The following ADK variants were observed in gnomAD, a reference collection of about 807,000 sequenced individuals.
ADK encodes N6,N6-dimethyladenosine kinase.
A neutral mutation model predicts 44.7 loss-of-function variants in ADK; 24 were observed. The ratio of observed to expected loss-of-function variants is 0.54; its 90% CI spans 0.39 to 0.76. The LOEUF (loss-of-function observed/expected upper bound fraction) is 0.76, where lower values mean the gene tolerates loss of function less well. ADK is among the 30% of genes least tolerant of loss of function. ADK has a pLI of 0.00. For missense variants in ADK, 321 were observed against 425.1 expected (o/e 0.76, Z 2.15); for synonymous variants, 128 against 142.6 (o/e 0.90, Z 0.73).
intron 9 of ADK, among the ~76,000 whole-genome samples, chr10:74,601,220 T>A (rs184855437): frequency 4.3e-4 from 66 of 152,232 alleles, no homozygotes; most frequent in African/African-American, 1.4e-3. Context: ...AATATAATTA[T>A]AGTTCTTATC....
chr10:74,520,787 C>T (rs1285965889), intron 6 of ADK, among the ~76,000 whole-genome samples: 1 of 152,042 alleles, frequency 6.6e-6, no homozygotes, highest in Non-Finnish European at 1.5e-5. Context: ...TAGTCTGTCC[C>T]TATCTGTCCT....
intron 3 of ADK, among the ~76,000 whole-genome samples, chr10:74,273,043 G>A (rs1316039971): frequency 3.3e-5 from 5 of 152,170 alleles, no homozygotes; most frequent in African/African-American, 1.2e-4. Flanking sequence ...TGAAACAGGA[G>A]TTGTGAAGTT....
At chr10:74,644,520 G>T (rs1440286361) in intron 9 of ADK, among the ~76,000 whole-genome samples, 1 of 152,156 alleles carries the variant, frequency 6.6e-6, no homozygotes, top group African/African-American at 2.4e-5. Flanking sequence ...TTAAGTGAAA[G>T]AATTGGTTTT....
rs192054696 is a variant in ADK at position 74,300,171 on chromosome 10, A to T, written c.195-14496A>T. On this transcript the variant is annotated intron_variant, in intron 3 of 10. Coordinates refer to ENST00000539909, the MANE Select transcript of ADK (RefSeq NM_006721.4). ...AGTGTTGGGATTATAGGTGTGAGCC[A>T]TCATGTCCCTGGCTAATACATTATT... 1.7e-4 allele frequency among the ~76,000 whole-genome samples: 26 copies of T among 151,806 alleles called. No individual in the cohort carries two copies. In the East Asian group the frequency reaches 3.9e-3, roughly 23 times the overall value.
At chr10:74,653,747 C>T (rs1345614190) in intron 9 of ADK, among the ~76,000 whole-genome samples, 1 of 152,140 alleles carries the variant, frequency 6.6e-6, no homozygotes, top group Non-Finnish European at 1.5e-5. Flanking sequence ...TTGCTGTATT[C>T]CAAGTAGACA....
intron 6 of ADK, among the ~76,000 whole-genome samples, chr10:74,440,503 T>C (rs978004559): frequency 3.9e-5 from 6 of 152,186 alleles, no homozygotes; most frequent in Non-Finnish European, 7.4e-5. Flanking sequence ...TTACAATTAA[T>C]AAATTAAGTT....
intron 6 of ADK, among the ~76,000 whole-genome samples, chr10:74,413,887 T>C (rs972627205): frequency 2.0e-5 from 3 of 152,174 alleles, no homozygotes; most frequent in African/African-American, 7.2e-5. Context: ...TGTAGGATTA[T>C]TAATTGGCCT....
At position 74,533,435 on chromosome 10, in the gene ADK, A is replaced by G. The variant is rs115377646; in HGVS notation, c.726+8009A>G. 2.2e-3 allele frequency among the ~76,000 whole-genome samples: 328 copies of G among 152,342 alleles called. 1 individual carries two copies. The highest frequency in any genetic ancestry group is 7.3e-3 in the African/African-American group (303 of 41,580). Reference sequence around the variant, plus strand: ...GACAATGTGGCATTGGTGTAATGATAGACAAATAGTCAATGGAACAGAAGG... The same window carrying G: ...GACAATGTGGCATTGGTGTAATGATGGACAAATAGTCAATGGAACAGAAGG... On this transcript the variant is annotated intron_variant, in intron 7 of 10. Transcript: ENST00000539909.
chr10:74,330,868 T>C lies in ADK; in HGVS notation c.273+16123T>C, dbSNP rs374801346. On this transcript the variant is annotated intron_variant, in intron 4 of 10. Coordinates refer to ENST00000539909, the MANE Select transcript of ADK (RefSeq NM_006721.4). ...TTCCACTAAGCTGCTCCCAAATTCC[T>C]GACCCACCAAAACTATGTGAGATAG... 2.3e-4 allele frequency among the ~76,000 whole-genome samples: 35 copies of C among 152,338 alleles called. 1 individual carries two copies. Among genetic ancestry groups the C allele is most frequent in the Middle Eastern group, 6.8e-3 (2 of 294 alleles).
At chr10:74,239,779 A>G (rs1034935230) in intron 3 of ADK, among the ~76,000 whole-genome samples, 3 of 151,714 alleles carry the variant, frequency 2.0e-5, no homozygotes, top group African/African-American at 7.3e-5. Context: ...CTCTGGAAAA[A>G]ACAAAATAGG....
chr10:74,332,990 TAAG>T lies in ADK; in HGVS notation c.273+18249_273+18251del, dbSNP rs376643054. 2.4e-4 allele frequency among the ~76,000 whole-genome samples: 36 copies of T among 152,272 alleles called. 1 individual carries two copies. The highest frequency in any genetic ancestry group is 6.8e-3 in the Middle Eastern group (2 of 294). On this transcript the variant is annotated intron_variant, in intron 4 of 10. Transcript: ENST00000539909. ...GGCATGGACTTACTACTGTTCCTCTTAAGAAGCAGAAATATTTTACAGTCTTTC... is the reference window on the plus strand; with the variant it reads ...GGCATGGACTTACTACTGTTCCTCTTAAGCAGAAATATTTTACAGTCTTTC...
intron 6 of ADK, among the ~76,000 whole-genome samples, chr10:74,523,300 CTTT>C (rs1419389665): frequency 6.6e-6 from 1 of 152,066 alleles, no homozygotes; most frequent in Non-Finnish European, 1.5e-5. Context: ...CTCACCATTC[CTTT>C]TTTAACAACT....
At chr10:74,187,214 C>T (rs1184772784) in intron 1 of ADK, among the ~76,000 whole-genome samples, 3 of 151,920 alleles carry the variant, frequency 2.0e-5, no homozygotes, top group Non-Finnish European at 2.9e-5. Context: ...ATTTGCTTAT[C>T]TTTTATTTTG....
chr10:74,281,686 G>T (rs1460282221), intron 3 of ADK, among the ~76,000 whole-genome samples: 3 of 151,910 alleles, frequency 2.0e-5, no homozygotes, highest in Non-Finnish European at 4.4e-5. Flanking sequence ...ATTTTAGCTA[G>T]CTAAGAAAAA....
At chr10:74,582,672 G>T (rs1851410692) in intron 7 of ADK, among the ~76,000 whole-genome samples, 1 of 151,758 alleles carries the variant, frequency 6.6e-6, no homozygotes, top group Admixed American at 6.6e-5. Flanking sequence ...TGTTTATTGA[G>T]GTATAATTTA....
chr10:74,696,660 A>C (rs1468891139), intron 10 of ADK, among the ~76,000 whole-genome samples: 2 of 152,096 alleles, frequency 1.3e-5, no homozygotes, highest in South Asian at 4.1e-4. Context: ...ATGAGTCACC[A>C]TGCCCAGCCC....
chr10:74,681,200 A>T (rs1031278920), intron 10 of ADK, among the ~76,000 whole-genome samples: 1 of 152,236 alleles, frequency 6.6e-6, no homozygotes, highest in East Asian at 1.9e-4. Context: ...TTAAAAAATC[A>T]TATTTTCTGG....
chr10:74,677,498 A>G (rs1242012102), intron 10 of ADK, among the ~76,000 whole-genome samples: 1 of 152,154 alleles, frequency 6.6e-6, no homozygotes, highest in Admixed American at 6.5e-5. Flanking sequence ...TGTGCTATGC[A>G]TAGAAGTGGT....
At chr10:74,655,181 C>T (rs545419509) in intron 9 of ADK, 25 of 306,648 alleles carry the variant, frequency 8.2e-5, no homozygotes, top group Middle Eastern at 5.9e-4. Context: ...AAGAAGTAAC[C>T]GTCAAGAAGG....
Sources: gnomAD v4.1 joint callset for allele counts (sites outside exome capture counted in the v4.1 genomes callset) on GRCh38, gnomAD v4.1.1 for gene constraint, MANE v1.5 for transcripts, NCBI Gene and HGNC (gene_info 2026-07-23, HGNC 2026-07-21) for gene names.